PDE12: variants seen among roughly 807,000 people sequenced by gnomAD.
PDE12 encodes the protein phosphodiesterase 12.
A neutral mutation model predicts 45.4 loss-of-function variants in PDE12; 26 were observed. The observed-to-expected ratio is 0.57, with a 90% CI of 0.42 to 0.79. PDE12 has a LOEUF of 0.79. Ranked by LOEUF, PDE12 falls within the 30% of genes least tolerant of loss-of-function variation. The probability of loss-of-function intolerance (pLI) is 0.00; values close to 1 mark genes in which losing one functional copy is unlikely to be tolerated. For missense variants in PDE12, 668 were observed against 790.0 expected (o/e 0.85, Z 1.85); for synonymous variants, 283 against 323.9 (o/e 0.87, Z 1.36).
chr3:57,577,449 G>T, the PDE12 span: 1 of 1,344,824 alleles, frequency 7.4e-7, no homozygotes, highest in Non-Finnish European at 1.1e-6. Flanking sequence ...ATGAAACAGT[G>T]TAGGCAGCAA....
the PDE12 span, among the ~76,000 whole-genome samples, chr3:57,596,454 C>A: frequency 1.3e-5 from 2 of 152,184 alleles, no homozygotes; most frequent in Admixed American, 1.3e-4. Context: ...ATGAGATTAA[C>A]AAGGAGCGAA....
At chr3:57,591,448 A>C in the PDE12 span, among the ~76,000 whole-genome samples, 22 of 151,220 alleles carry the variant, frequency 1.5e-4, no homozygotes, top group African/African-American at 5.3e-4. Context: ...ATATGAATGA[A>C]CTTTTTTCTT....
chr3:57,644,007 G>A, the PDE12 span, among the ~76,000 whole-genome samples: 4 of 151,764 alleles, frequency 2.6e-5, no homozygotes, highest in African/African-American at 9.7e-5. Context: ...AAAATTAGCT[G>A]GGTGTGATAG....
At chr3:57,607,589 G>A in the PDE12 span, among the ~76,000 whole-genome samples, 2 of 152,156 alleles carry the variant, frequency 1.3e-5, no homozygotes, top group African/African-American at 2.4e-5. Flanking sequence ...ACTATGTGAC[G>A]AATGCACAAG....
chr3:57,648,688 A>C, the PDE12 span, among the ~76,000 whole-genome samples: 2 of 152,256 alleles, frequency 1.3e-5, no homozygotes, highest in African/African-American at 4.8e-5. Flanking sequence ...AATGGAACAG[A>C]ACAGAGAACC....
At chr3:57,592,343 C>T in the PDE12 span, among the ~76,000 whole-genome samples, 3 of 151,988 alleles carry the variant, frequency 2.0e-5, no homozygotes, top group African/African-American at 4.8e-5. Context: ...GAAAATTAGC[C>T]GGGCATGGTG....
At position 57,564,582 on chromosome 3, in the gene PDE12, G is replaced by C. The variant is rs931810613; in HGVS notation, c.*4578G>C. The C allele has an allele frequency of 6.6e-6, 1 of 152,022 alleles. No individual in the cohort carries two copies. Among genetic ancestry groups the C allele is most frequent in the Admixed American group, 6.6e-5 (1 of 15,254 alleles). 9.4% of individuals were successfully genotyped at this position (152,022 alleles called of 1,614,324 possible). A position where few individuals can be genotyped will look rare whatever the true frequency, so the allele number is the denominator to read the frequency against. Reference sequence around the variant, plus strand: ...TTTGTGCTAGTTTCATACCATTTGTGTTCCTTATATATTGAAGATGGTTCA... The same window carrying C: ...TTTGTGCTAGTTTCATACCATTTGTCTTCCTTATATATTGAAGATGGTTCA... On this transcript the variant is annotated 3_prime_UTR_variant, in exon 3 of 3. Transcript: ENST00000311180.
At chr3:57,613,972 T>A in the PDE12 span, among the ~76,000 whole-genome samples, 737 of 146,302 alleles carry the variant, frequency 5.0e-3, 6 homozygotes, top group African/African-American at 0.018. Context: ...GGAAAAGATA[T>A]ACCCTGCTAA....
Position 57,560,967 on chromosome 3 carries a change from CAAGT to C in PDE12, c.*967_*970del. ...TTCTCATCTTTCATTTTTCAATGAA[CAAGT>C]AAGGTATTTTCATTCTTATTTTTAG... On this transcript the variant is annotated 3_prime_UTR_variant, in exon 3 of 3. Coordinates refer to ENST00000311180, the MANE Select transcript of PDE12 (RefSeq NM_177966.7). 1 of 974,974 alleles carries C rather than the reference CAAGT, an allele frequency of 1.0e-6. No individual in the cohort carries two copies. Among genetic ancestry groups the C allele is most frequent in the Non-Finnish European group, 1.2e-6 (1 of 820,060 alleles). 60.4% of individuals were successfully genotyped at this position (974,974 alleles called of 1,614,324 possible).
the PDE12 span, among the ~76,000 whole-genome samples, chr3:57,616,642 T>C: frequency 6.6e-6 from 1 of 152,194 alleles, no homozygotes; most frequent in Non-Finnish European, 1.5e-5. Flanking sequence ...TACCAGACTT[T>C]TAAGGAAGAC....
the PDE12 span, chr3:57,630,986 C>G: frequency 6.2e-7 from 1 of 1,608,704 alleles, no homozygotes; most frequent in Non-Finnish European, 8.5e-7. Context: ...TTCCTAAAAC[C>G]AAGAAAAAAG....
intron 1 of PDE12, among the ~76,000 whole-genome samples, chr3:57,558,250 C>A (rs1364488729): frequency 3.3e-5 from 5 of 152,116 alleles, no homozygotes; most frequent in Admixed American, 3.3e-4. Flanking sequence ...CTTATAAGAT[C>A]ATTTAATTGA....
chr3:57,582,003 C>T, the PDE12 span, among the ~76,000 whole-genome samples: 2 of 152,150 alleles, frequency 1.3e-5, no homozygotes, highest in Non-Finnish European at 2.9e-5. Context: ...AAAGAAAAAA[C>T]TCCCTGGAGT....
At chr3:57,607,306 A>G in the PDE12 span, among the ~76,000 whole-genome samples, 1 of 152,114 alleles carries the variant, frequency 6.6e-6, no homozygotes. Flanking sequence ...CACAGCAGAA[A>G]AGCTGAAAAT....
chr3:57,598,354 C>T, the PDE12 span: 5 of 152,264 alleles, frequency 3.3e-5, no homozygotes, highest in East Asian at 9.7e-4. Context: ...ATAAGAAAAA[C>T]TTGCAAACTT....
At chr3:57,568,068 CAAAAAA>C (rs11360766), downstream of PDE12, among the ~76,000 whole-genome samples, 2 of 47,546 alleles carry the variant, frequency 4.2e-5, no homozygotes, top group African/African-American at 2.0e-4. Flanking sequence ...GACTCCATCT[CAAAAAA>C]AAAAAAAAAA....
the PDE12 span, among the ~76,000 whole-genome samples, chr3:57,599,852 C>CT: frequency 0.18 from 22,720 of 129,258 alleles, 2,359 homozygotes; most frequent in East Asian, 0.47. Flanking sequence ...TATTTACACT[C>CT]TTTTTTTTTT....
chr3:57,650,366 TCA>T, the PDE12 span, among the ~76,000 whole-genome samples: 9 of 150,802 alleles, frequency 6.0e-5, no homozygotes, highest in Non-Finnish European at 1.3e-4. Flanking sequence ...ATTGATTAAA[TCA>T]GTTAATAAAA....
the PDE12 span, among the ~76,000 whole-genome samples, chr3:57,641,193 T>C: frequency 5.5e-5 from 8 of 144,986 alleles, no homozygotes; most frequent in Admixed American, 1.4e-4. Context: ...TATATTTATA[T>C]ATATTTAAAT....
Sources: gnomAD v4.1 joint callset for allele counts (sites outside exome capture counted in the v4.1 genomes callset) on GRCh38, gnomAD v4.1.1 for gene constraint, MANE v1.5 for transcripts, NCBI Gene and HGNC (gene_info 2026-07-23, HGNC 2026-07-21) for gene names.